ARHGEF10: variants seen among roughly 807,000 people sequenced by gnomAD.
ARHGEF10 encodes the protein Rho guanine nucleotide exchange factor (GEF) 10.
ARHGEF10 carries 140 observed loss-of-function variants against 147.4 expected under a neutral mutation model. The observed-to-expected ratio is 0.95, with a 90% CI of 0.83 to 1.09. The LOEUF (loss-of-function observed/expected upper bound fraction) is 1.09, where lower values mean the gene tolerates loss of function less well. Ranked by LOEUF, ARHGEF10 falls within the 50% of genes least tolerant of loss-of-function variation. ARHGEF10 has a pLI of 0.00. For missense variants in ARHGEF10, 2,222 were observed against 1,752.7 expected (o/e 1.27, Z -4.78); for synonymous variants, 902 against 695.8 (o/e 1.30, Z -4.67).
At chr8:1,851,414 C>T (rs1156849758) in intron 2 of ARHGEF10, among the ~76,000 whole-genome samples, 1 of 151,894 alleles carries the variant, frequency 6.6e-6, no homozygotes, top group Non-Finnish European at 1.5e-5. Context: ...AGGAGCGAGG[C>T]CTAACACACA....
rs760933834 is a variant in ARHGEF10 at position 1,928,604 on chromosome 8, A to C, written c.2875A>C (p.Arg959=). ...APPDPETPAV[R]ASDVPTICVG... ...CCCGGACCCCGAGACCCCGGCCGTG[A>C]GAGCTTCTGATGTCCCCACGATCTG... is the stretch of plus-strand genomic sequence containing the variant. The change falls in exon 24 of 29, where the codon AGA becomes CGA. Residue 959 remains arginine (R), a synonymous_variant. Transcript: ENST00000349830. 1 of 1,614,010 alleles carries C rather than the reference A, an allele frequency of 6.2e-7. No individual in the cohort carries two copies. The highest frequency in any genetic ancestry group is 1.3e-5 in the African/African-American group (1 of 74,902).
At chr8:1,867,100 G>C (rs886367635) in intron 6 of ARHGEF10, among the ~76,000 whole-genome samples, 2 of 151,670 alleles carry the variant, frequency 1.3e-5, no homozygotes, top group Non-Finnish European at 2.9e-5. Context: ...ATTTAAATGG[G>C]GATTCCCGAA....
At chr8:1,907,671 C>G (rs1210849659) in intron 17 of ARHGEF10, among the ~76,000 whole-genome samples, 1 of 152,196 alleles carries the variant, frequency 6.6e-6, no homozygotes, top group African/African-American at 2.4e-5. Flanking sequence ...AAAAGTAACT[C>G]AGCTGTGCTT....
At chr8:1,886,792 C>A (rs1808694780) in intron 11 of ARHGEF10, among the ~76,000 whole-genome samples, 1 of 152,172 alleles carries the variant, frequency 6.6e-6, no homozygotes, top group African/African-American at 2.4e-5. Context: ...GGAGGCTGAT[C>A]ATCAGAACTG....
intron 5 of ARHGEF10, 32 bp from the exon 6 acceptor site, chr8:1,866,494 A>C (rs756073175): frequency 6.2e-7 from 1 of 1,609,634 alleles, no homozygotes; most frequent in South Asian, 1.1e-5. Context: ...CTGTGCCTGG[A>C]TATTCTGACT....
chr8:1,835,495 G>A (rs1803526436), intron 1 of ARHGEF10, among the ~76,000 whole-genome samples: 1 of 152,158 alleles, frequency 6.6e-6, no homozygotes, highest in South Asian at 2.1e-4. Flanking sequence ...AGAGGCCCTG[G>A]GTCATGGTGA....
chr8:1,954,717 A>G (rs556164068), intron 28 of ARHGEF10, among the ~76,000 whole-genome samples: 173 of 152,276 alleles, frequency 1.1e-3, no homozygotes, highest in African/African-American at 3.9e-3. Context: ...TTTTACGTCA[A>G]TTATTCCTTT....
At chr8:1,895,409 G>A (rs1040120448) in intron 13 of ARHGEF10, among the ~76,000 whole-genome samples, 5 of 152,084 alleles carry the variant, frequency 3.3e-5, no homozygotes, top group Non-Finnish European at 5.9e-5. Context: ...ATAATAATAC[G>A]TGAAATGTTT....
intron 18 of ARHGEF10, among the ~76,000 whole-genome samples, chr8:1,917,519 G>C (rs1378358492): frequency 1.3e-5 from 2 of 152,088 alleles, no homozygotes; most frequent in African/African-American, 2.4e-5. Context: ...ACCCTTCCTT[G>C]TTTGCCGCAC....
At chr8:1,886,688 C>T (rs1164102120) in intron 11 of ARHGEF10, among the ~76,000 whole-genome samples, 1 of 151,980 alleles carries the variant, frequency 6.6e-6, no homozygotes, top group African/African-American at 2.4e-5. Flanking sequence ...TCTGTGCAGG[C>T]CCCGTGCCCG....
intron 18 of ARHGEF10, among the ~76,000 whole-genome samples, chr8:1,913,973 G>A (rs1811568501): frequency 1.3e-5 from 2 of 152,156 alleles, no homozygotes; most frequent in South Asian, 4.1e-4. Context: ...AGGCAAACGC[G>A]GAAAGGGTCG....
In ARHGEF10 at chr8:1,923,550, C is replaced by T. The variant is rs143459815; in HGVS notation, c.2342C>T (p.Ala781Val). ...ILKKEDEIRA[A>V]DCCRIQLQLP... ...AAGAAAGAAGATGAAATCAGAGCTG[C>T]GGACTGCTGCAGAATTCAGTTACAG... Residue 781 changes from alanine to valine, a missense_variant, in exon 20 of 29, where the codon GCG (alanine) becomes GTG (valine). Coordinates refer to ENST00000349830, the MANE Select transcript of ARHGEF10 (RefSeq NM_014629.4). 157 of 1,614,038 alleles carry T rather than the reference C, an allele frequency of 9.7e-5. No individual in the cohort carries two copies. The African/African-American group carries it at 1.6e-3, about 17-fold the overall frequency.
chr8:1,911,654 G>A (rs946990429), intron 18 of ARHGEF10, among the ~76,000 whole-genome samples: 4 of 152,150 alleles, frequency 2.6e-5, no homozygotes, highest in Admixed American at 1.3e-4. Context: ...CATCCAGGGT[G>A]GACCGACAGT....
intron 27 of ARHGEF10, among the ~76,000 whole-genome samples, chr8:1,949,561 G>A (rs2280822): frequency 0.35 from 53,313 of 152,006 alleles, 9,540 homozygotes; most frequent in African/African-American, 0.39. Flanking sequence ...TTTTTGATGG[G>A]AAAGTGCTGA....
intron 17 of ARHGEF10, among the ~76,000 whole-genome samples, chr8:1,908,819 C>A (rs1726630288): frequency 6.6e-6 from 1 of 152,030 alleles, no homozygotes; most frequent in South Asian, 2.1e-4. Flanking sequence ...TTTCCGTATA[C>A]TTGATAAATA....
At position 1,848,773 on chromosome 8, in the gene ARHGEF10, A is replaced by G. The variant is rs906096039; in HGVS notation, c.37+5337A>G. On this transcript the variant is annotated intron_variant, in intron 2 of 28. Transcript: ENST00000349830. ...TTGAATATTCTTCCAGTGTTTTAGA[A>G]GTAGTCTTTTTTTTTCCCCTTGAAG... 2.5e-4 allele frequency among the ~76,000 whole-genome samples: 38 copies of G among 152,204 alleles called. 1 individual carries two copies. The highest frequency in any genetic ancestry group is 2.2e-3 in the Admixed American group (34 of 15,282).
intron 9 of ARHGEF10, among the ~76,000 whole-genome samples, chr8:1,880,680 C>T (rs1437584751): frequency 6.6e-6 from 1 of 152,212 alleles, no homozygotes; most frequent in African/African-American, 2.4e-5. Context: ...CCCCTGAGAC[C>T]GGAATGCTTG....
At chr8:1,857,484 A>G (rs934896908) in intron 2 of ARHGEF10, among the ~76,000 whole-genome samples, 1 of 149,666 alleles carries the variant, frequency 6.7e-6, no homozygotes, top group Non-Finnish European at 1.5e-5. Flanking sequence ...CAATGGTGCA[A>G]TCTCGGTTCA....
chr8:1,857,875 G>GATCTATCTATCTATCTATCT (rs35711467), intron 2 of ARHGEF10, 85 bp from the exon 3 acceptor site: 13 of 918,536 alleles, frequency 1.4e-5, no homozygotes, highest in African/African-American at 2.0e-5. Flanking sequence ...AACATAGATC[G>GATCTATCTATCTATCTATCT]ATCGATCTAT....
Sources: allele counts gnomAD v4.1 joint callset (sites outside exome capture counted in the v4.1 genomes callset), GRCh38; gene constraint gnomAD v4.1.1; transcripts MANE v1.5; gene names NCBI Gene and HGNC (gene_info 2026-07-23, HGNC 2026-07-21).